FRMPD4: variants seen among roughly 807,000 people sequenced by gnomAD.
FRMPD4 encodes FERM and PDZ domain-containing protein 4.
FRMPD4 carries 22 observed loss-of-function variants against 94.1 expected under a neutral mutation model. That is an observed-to-expected ratio of 0.23 (90% CI 0.17 to 0.33). FRMPD4 has a LOEUF of 0.33. FRMPD4 is among the 10% of genes least tolerant of loss of function. The pLI is 1.00. For synonymous variants in FRMPD4, 631 were observed against 548.6 expected, an observed-to-expected ratio of 1.15 and a Z score of -2.10; for missense variants, 1,111 against 1,339.9, an observed-to-expected ratio of 0.83 and a Z score of 2.67.
chrX:12,599,067 T>G lies in FRMPD4; in HGVS notation c.159-10654T>G, dbSNP rs190364679. Among the ~76,000 whole-genome samples, 421 of 111,093 alleles carry G rather than the reference T, an allele frequency of 3.8e-3. 1 individual carries two copies. The highest frequency in any genetic ancestry group is 6.1e-3 in the Non-Finnish European group (322 of 53,047). Reference sequence around the variant, plus strand: ...TTCTTTTCACTTTCCGAGTATAAAATTATAACGTAAATTTTCAAAGAATAC... The same window carrying G: ...TTCTTTTCACTTTCCGAGTATAAAAGTATAACGTAAATTTTCAAAGAATAC... On this transcript the variant is annotated intron_variant, in intron 2 of 16. Coordinates refer to ENST00000675598, the MANE Select transcript of FRMPD4 (RefSeq NM_001368397.1).
intron 2 of FRMPD4, among the ~76,000 whole-genome samples, chrX:11,866,770 G>A (rs1221184427): frequency 9.0e-6 from 1 of 111,428 alleles, no homozygotes; most frequent in Non-Finnish European, 1.9e-5. Flanking sequence ...ATATTATAGT[G>A]GTTTGTTTTC....
chrX:12,704,562 C>A, intron 11 of FRMPD4, 77 bp downstream of exon 11: 1 of 727,704 alleles, frequency 1.4e-6, no homozygotes, highest in Admixed American at 3.3e-5. Context: ...AAAATTAGCT[C>A]ATGAATAAAA....
chrX:12,713,068 G>A (rs1421944102), intron 14 of FRMPD4, among the ~76,000 whole-genome samples: 1 of 99,929 alleles, frequency 1.0e-5, no homozygotes, highest in Non-Finnish European at 2.0e-5. Context: ...GGCTGACAAA[G>A]CAAGATCCTG....
At chrX:11,828,917 C>T (rs1485316392) in intron 1 of FRMPD4, among the ~76,000 whole-genome samples, 1 of 112,217 alleles carries the variant, frequency 8.9e-6, no homozygotes, top group Admixed American at 9.4e-5. Flanking sequence ...TTGGAAATGT[C>T]GATGGTGCAG....
intron 3 of FRMPD4, among the ~76,000 whole-genome samples, chrX:12,045,008 T>G (rs907169157): frequency 8.9e-6 from 1 of 112,377 alleles, no homozygotes; most frequent in Admixed American, 9.4e-5. Flanking sequence ...CATTGCTTGT[T>G]TTTGGATGGC....
At chrX:12,652,166 T>C (rs2059601049) in intron 4 of FRMPD4, among the ~76,000 whole-genome samples, 1 of 112,385 alleles carries the variant, frequency 8.9e-6, no homozygotes, top group South Asian at 3.7e-4. Context: ...TAAACAGGTT[T>C]CATTCAGCAG....
chrX:12,559,263 G>A (rs2058626647), intron 2 of FRMPD4, among the ~76,000 whole-genome samples: 1 of 112,290 alleles, frequency 8.9e-6, no homozygotes, highest in Non-Finnish European at 1.9e-5. Flanking sequence ...AGGTCAAATG[G>A]AAAGAGTGAA....
intron 1 of FRMPD4, among the ~76,000 whole-genome samples, chrX:12,169,986 A>T (rs1437283247): frequency 1.8e-5 from 2 of 112,043 alleles, no homozygotes; most frequent in African/African-American, 6.5e-5. Context: ...TCTAAGTGAT[A>T]AACCATTTCA....
At chrX:12,332,879 T>G (rs912088353) in intron 1 of FRMPD4, among the ~76,000 whole-genome samples, 2 of 112,127 alleles carry the variant, frequency 1.8e-5, no homozygotes, top group Admixed American at 1.9e-4. Context: ...GCCCTTGTAG[T>G]CTGAAAGCAA....
chrX:12,026,183 T>C (rs1255915004), intron 3 of FRMPD4, among the ~76,000 whole-genome samples: 19 of 111,724 alleles, frequency 1.7e-4, no homozygotes, highest in Non-Finnish European at 2.8e-4. Flanking sequence ...CAAGCCACCA[T>C]CATCTCTTGC....
chrX:12,648,997 C>T (rs2059572828), intron 4 of FRMPD4, among the ~76,000 whole-genome samples: 1 of 112,308 alleles, frequency 8.9e-6, no homozygotes, highest in South Asian at 3.7e-4. Flanking sequence ...ACTGAAATGG[C>T]TCCCGATATT....
intron 1 of FRMPD4, among the ~76,000 whole-genome samples, chrX:12,293,851 G>A (rs7056849): frequency 0.12 from 13,684 of 111,744 alleles, 705 homozygotes; most frequent in Admixed American, 0.17. Flanking sequence ...AGTAAACATC[G>A]TTTTCATTAA....
rs1486482393 is a variant in FRMPD4 at position 12,332,205 on chromosome X, TATAGAGAGAGAG to T, written c.42-166473_42-166462del. 6.4e-4 allele frequency among the ~76,000 whole-genome samples: 42 copies of T among 65,971 alleles called. 1 individual carries two copies. Among genetic ancestry groups the T allele is most frequent in the African/African-American group, 3.1e-3 (37 of 11,809 alleles). The allele number at this position is 65,971 out of a possible 115,157, so 57.3% of individuals were successfully genotyped here. On this transcript the variant is annotated intron_variant, in intron 1 of 16. Transcript: ENST00000675598. ...AATTTATATTTTATATATATATATA[TATAGAGAGAGAG>T]AGAGAGAGAGAGAGAGAGAGAGAGA...
intron 3 of FRMPD4, among the ~76,000 whole-genome samples, chrX:12,040,691 T>C (rs1404732943): frequency 2.9e-5 from 3 of 103,931 alleles, no homozygotes; most frequent in Non-Finnish European, 5.9e-5. Flanking sequence ...CCATGCCCGG[T>C]GGGGTTTTTT....
intron 1 of FRMPD4, among the ~76,000 whole-genome samples, chrX:11,838,943 T>C (rs948817554): frequency 8.9e-6 from 1 of 111,907 alleles, no homozygotes; most frequent in Non-Finnish European, 1.9e-5. Context: ...GCCATAGACA[T>C]TCATATACAA....
In FRMPD4 at chrX:11,924,370, T is replaced by A. The variant is rs1380067698; in HGVS notation, c.95+46352T>A. Among the ~76,000 whole-genome samples the A allele has an allele frequency of 5.4e-5, 6 of 112,013 alleles. No individual in the cohort carries two copies. In the Admixed American group the frequency reaches 5.7e-4, roughly 11 times the overall value. ...TTCATGAGAACTTTCCCAATCTAGC[T>A]AGAGAGGCCAACATTCAAATTCAGG... On this transcript the variant is annotated intron_variant, in intron 3 of 18. Transcript: ENST00000640291.
At chrX:12,060,037 T>C (rs2054876190) in intron 3 of FRMPD4, among the ~76,000 whole-genome samples, 1 of 111,529 alleles carries the variant, frequency 9.0e-6, no homozygotes, top group Non-Finnish European at 1.9e-5. Flanking sequence ...CTAGTTTCTA[T>C]GACACCTTGG....
intron 1 of FRMPD4, among the ~76,000 whole-genome samples, chrX:12,364,116 C>T (rs1445790256): frequency 9.0e-6 from 1 of 110,702 alleles, no homozygotes; most frequent in Non-Finnish European, 1.9e-5. Flanking sequence ...ATCAGATCCT[C>T]CACCCCCAAG....
chrX:12,158,767 G>A (rs944236649), intron 1 of FRMPD4, among the ~76,000 whole-genome samples: 4 of 111,936 alleles, frequency 3.6e-5, no homozygotes, highest in East Asian at 2.8e-4. Flanking sequence ...ATGTTAAACC[G>A]AGTTGCTCTG....
Sources: allele counts gnomAD v4.1 joint callset (sites outside exome capture counted in the v4.1 genomes callset), GRCh38; gene constraint gnomAD v4.1.1; transcripts MANE v1.5; gene names NCBI Gene and HGNC (gene_info 2026-07-23, HGNC 2026-07-21).